Variants in ALKBH3 observed in about 807,000 individuals in gnomAD.
ALKBH3 encodes alkB homolog 3, alpha-ketoglutarate dependent dioxygenase.
ALKBH3 carries 51 observed loss-of-function variants against 43.9 expected under a neutral mutation model. The ratio of observed to expected loss-of-function variants is 1.16; its 90% confidence interval spans 0.93 to 1.47. ALKBH3 has a LOEUF of 1.47. Among genes scored for constraint, ALKBH3 ranks in the 40% most tolerant of loss-of-function variants. The pLI is 0.00. For synonymous variants in ALKBH3, 102 were observed against 115.2 expected (o/e 0.89, Z 0.73); for missense variants, 361 against 351.9 (o/e 1.03, Z -0.21).
At position 43,901,529 on chromosome 11, in the gene ALKBH3, T is replaced by C; in HGVS notation, c.473T>C (p.Leu158Pro). The change falls in exon 8 of 10, where the codon CTG becomes CCG. Residue 158 changes from leucine to proline, a missense_variant. Coordinates refer to ENST00000302708, the MANE Select transcript of ALKBH3 (RefSeq NM_139178.4). ...TGTGGATTGCAGTGGCACCCTGTGC[T>C]GCGCACACTAAAGAACCGCATTGAA... ...MEPNPHWHPV[L>P]RTLKNRIEEN... is the part of the protein sequence containing the mutation. The C allele has an allele frequency of 1.2e-6, 2 of 1,613,658 alleles. No individual in the cohort carries two copies. Among genetic ancestry groups the C allele is most frequent in the Non-Finnish European group, 1.7e-6 (2 of 1,179,974 alleles).
intron 6 of ALKBH3, among the ~76,000 whole-genome samples, chr11:43,890,222 CT>C (rs1951773606): frequency 1.3e-5 from 2 of 152,290 alleles, no homozygotes; most frequent in Non-Finnish European, 2.9e-5. Flanking sequence ...TGCATACATT[CT>C]TTCACACTCC....
intron 4 of ALKBH3, among the ~76,000 whole-genome samples, chr11:43,884,980 TC>T (rs1951737607): frequency 1.3e-5 from 2 of 152,078 alleles, no homozygotes; most frequent in African/African-American, 4.8e-5. Flanking sequence ...GGTTTCGAAT[TC>T]CTGGGCTGAA....
At chr11:43,918,499 T>C (rs1351880107) in intron 8 of ALKBH3, among the ~76,000 whole-genome samples, 1 of 152,210 alleles carries the variant, frequency 6.6e-6, no homozygotes, top group African/African-American at 2.4e-5. Flanking sequence ...AACTCCATAG[T>C]AGCCATGAGA....
At chr11:43,889,150 C>A (rs1423596716) in intron 5 of ALKBH3, among the ~76,000 whole-genome samples, 1 of 152,230 alleles carries the variant, frequency 6.6e-6, no homozygotes, top group Non-Finnish European at 1.5e-5. Context: ...GCCTTAGCCT[C>A]CCAAGTAGTT....
At chr11:43,913,775 G>A (rs991192514) in intron 8 of ALKBH3, among the ~76,000 whole-genome samples, 2 of 152,252 alleles carry the variant, frequency 1.3e-5, no homozygotes, top group Admixed American at 6.5e-5. Context: ...AGGCAGTCAT[G>A]TCATGGACCT....
At chr11:43,916,287 G>T (rs1206153050) in intron 8 of ALKBH3, among the ~76,000 whole-genome samples, 1 of 152,210 alleles carries the variant, frequency 6.6e-6, no homozygotes, top group East Asian at 1.9e-4. Flanking sequence ...TGGTGAGGTG[G>T]AGGTAAGAGT....
intron 8 of ALKBH3, among the ~76,000 whole-genome samples, chr11:43,914,066 A>G (rs1951962571): frequency 2.0e-5 from 3 of 151,836 alleles, no homozygotes; most frequent in African/African-American, 4.8e-5. Flanking sequence ...CCCAGCCCAC[A>G]CCTCTCACTT....
chr11:43,899,111 T>G (rs368809348), intron 7 of ALKBH3: 3 of 769,162 alleles, frequency 3.9e-6, no homozygotes, highest in Admixed American at 3.5e-5. Flanking sequence ...ACATTGTCTT[T>G]AACATCTATC....
At chr11:43,883,401 C>T (rs1951725301) in intron 3 of ALKBH3, among the ~76,000 whole-genome samples, 1 of 152,080 alleles carries the variant, frequency 6.6e-6, no homozygotes, top group South Asian at 2.1e-4. Context: ...CATGTTATTC[C>T]CGTATTTTTG....
chr11:43,903,551 T>G (rs1210669573), intron 8 of ALKBH3, among the ~76,000 whole-genome samples: 1 of 152,212 alleles, frequency 6.6e-6, no homozygotes, highest in Non-Finnish European at 1.5e-5. Flanking sequence ...CTGGAGCTCA[T>G]CTAGCATATG....
chr11:43,883,183 C>G lies in ALKBH3; in HGVS notation c.178C>G (p.Gln60Glu). ...SDREFVFKEPQQVVRRAPEPR... is the reference protein window; with the variant it reads ...SDREFVFKEPEQVVRRAPEPR... ...CAGAGAGTTTGTGTTCAAAGAACCT[C>G]AGCAGGTAAATTCATGGTTTTTTCT... Residue 60 changes from glutamine to glutamate, a missense_variant, in exon 3 of 10, where the codon CAG becomes GAG. Gln to Glu is a conservative substitution (Grantham distance 29). Coordinates refer to ENST00000302708, the MANE Select transcript of ALKBH3 (RefSeq NM_139178.4). 1 of 1,612,400 alleles carries G rather than the reference C, an allele frequency of 6.2e-7. No homozygotes were observed. Among genetic ancestry groups the G allele is most frequent in the African/African-American group, 1.3e-5 (1 of 75,018 alleles).
chr11:43,919,246 C>A, intron 9 of ALKBH3, 110 bp downstream of exon 9: 2 of 917,694 alleles, frequency 2.2e-6, no homozygotes, highest in Non-Finnish European at 3.5e-6. Context: ...TTACAACGAG[C>A]AAGAGGGAAT....
chr11:43,903,645 A>G (rs1951877575), intron 8 of ALKBH3, among the ~76,000 whole-genome samples: 1 of 152,164 alleles, frequency 6.6e-6, no homozygotes, highest in Admixed American at 6.5e-5. Flanking sequence ...CTTTGGTATA[A>G]TAATGGTTTT....
chr11:43,898,746 G>A, intron 7 of ALKBH3: 1 of 728,294 alleles, frequency 1.4e-6, no homozygotes, highest in Non-Finnish European at 2.5e-6. Context: ...GGTCACCCAG[G>A]GTATTTCCTG....
chr11:43,893,355 C>CT (rs1368855108), intron 7 of ALKBH3, among the ~76,000 whole-genome samples: 2 of 152,152 alleles, frequency 1.3e-5, no homozygotes, highest in Non-Finnish European at 1.5e-5. Flanking sequence ...TGTTAAACAT[C>CT]TGGGGGGGCA....
At chr11:43,900,865 G>A (rs186470260) in intron 7 of ALKBH3, among the ~76,000 whole-genome samples, 28 of 152,314 alleles carry the variant, frequency 1.8e-4, no homozygotes, top group African/African-American at 6.0e-4. Context: ...AGGCAGGGCC[G>A]TGGAACCTGT....
intron 8 of ALKBH3, among the ~76,000 whole-genome samples, chr11:43,914,351 G>A (rs1402977041): frequency 6.6e-6 from 1 of 152,174 alleles, no homozygotes; most frequent in Non-Finnish European, 1.5e-5. Context: ...AGGTTGTAGT[G>A]AGGATTAGCA....
At chr11:43,884,610 G>A (rs930409972) in intron 4 of ALKBH3, among the ~76,000 whole-genome samples, 1 of 152,124 alleles carries the variant, frequency 6.6e-6, no homozygotes, top group African/African-American at 2.4e-5. Flanking sequence ...ATTGTCAGTA[G>A]AAACTATTCT....
Position 43,884,010 on chromosome 11 carries a change from G to A in ALKBH3, c.211G>A (p.Val71Met). Residue 71 changes from valine to methionine, a missense_variant, in exon 4 of 10, where the codon GTG becomes ATG. By Grantham distance (21) the Val-to-Met change is conservative. Transcript: ENST00000302708. ...AGTACGTAGAGCTCCTGAGCCACGAGTGATTGAGTAAGTAATTTGCTGTCT... is the reference window on the plus strand; with the variant it reads ...AGTACGTAGAGCTCCTGAGCCACGAATGATTGAGTAAGTAATTTGCTGTCT... ...QVVRRAPEPR[V>M]IDREGVYEIS... 1.2e-6 allele frequency: 2 copies of A among 1,613,962 alleles called. No individual in the cohort carries two copies. The highest frequency in any genetic ancestry group is 2.2e-5 in the East Asian group (1 of 44,836).
Sources: allele counts gnomAD v4.1 joint callset (sites outside exome capture counted in the v4.1 genomes callset), GRCh38; gene constraint gnomAD v4.1.1; transcripts MANE v1.5; gene names NCBI Gene and HGNC (gene_info 2026-07-23, HGNC 2026-07-21).